The following SERGEF variants were observed in gnomAD, a reference collection of about 807,000 sequenced individuals.
SERGEF encodes the protein secretion-regulating guanine nucleotide exchange factor.
Under a neutral mutation model 50.0 loss-of-function variants are expected in SERGEF, and 51 were observed. The observed-to-expected ratio is 1.02, with a 90% CI of 0.81 to 1.29. The LOEUF (loss-of-function observed/expected upper bound fraction) is 1.29, where lower values mean the gene tolerates loss of function less well. Ranked by LOEUF, SERGEF falls within the 50% of genes most tolerant of loss-of-function variation. The pLI is 0.00. For missense variants in SERGEF, 521 were observed against 557.0 expected (o/e 0.94, Z 0.65); for synonymous variants, 205 against 212.4 (o/e 0.97, Z 0.30).
At chr11:17,978,661 T>C (rs1853430269) in intron 8 of SERGEF, among the ~76,000 whole-genome samples, 1 of 152,150 alleles carries the variant, frequency 6.6e-6, no homozygotes, top group Non-Finnish European at 1.5e-5. Context: ...CAGATCCATA[T>C]CAGTTCCTGT....
At chr11:17,883,135 C>T (rs1307478975) in intron 9 of SERGEF, among the ~76,000 whole-genome samples, 2 of 152,132 alleles carry the variant, frequency 1.3e-5, no homozygotes, top group African/African-American at 4.8e-5. Flanking sequence ...ACCCCAATGC[C>T]AGAGGGATAA....
Position 17,952,638 on chromosome 11 carries a change from C to T in SERGEF, c.1011+6832G>A, listed in dbSNP as rs553413918. ...ACAAACAGTAACCAATCTCTCTATT[C>T]AAGGTACTGGGCTTGTTTTCATGCT... On this transcript the variant is annotated intron_variant, in intron 9 of 10. Transcript: ENST00000265965. Among the ~76,000 whole-genome samples the T allele has an allele frequency of 3.3e-5, 5 of 152,342 alleles. No individual in the cohort carries two copies. The South Asian group carries it at 8.3e-4, about 25-fold the overall frequency.
chr11:17,807,773 CTT>C (rs2133831850), intron 10 of SERGEF, among the ~76,000 whole-genome samples: 1 of 152,318 alleles, frequency 6.6e-6, no homozygotes, highest in African/African-American at 2.4e-5. Context: ...CATGACTTGA[CTT>C]TGAAATGGAA....
At chr11:18,000,358 T>A in intron 5 of SERGEF, 139 bp downstream of exon 5, 1 of 595,128 alleles carries the variant, frequency 1.7e-6, no homozygotes, top group South Asian at 2.5e-5. Flanking sequence ...CTGAGGCAGT[T>A]AGACAGCTTG....
In SERGEF at chr11:17,884,365, G is replaced by T. The variant is rs1214292139; in HGVS notation, c.1012-6121C>A. ...AAGCAGCTCCAGAATGGCAGCCCCA[G>T]CTGGCTGGGCAGCCTGCGCCGCCTG... is the stretch of plus-strand genomic sequence containing the variant. On this transcript the variant is annotated intron_variant, in intron 9 of 10. Coordinates refer to ENST00000265965, the MANE Select transcript of SERGEF (RefSeq NM_012139.4). The surrounding 1 kb of genome is among the most constrained non-coding windows in gnomAD (Gnocchi z 4.6). Among the ~76,000 whole-genome samples, 2 of 152,168 alleles carry T rather than the reference G, an allele frequency of 1.3e-5. No homozygotes were observed. The highest frequency in any genetic ancestry group is 2.9e-5 in the Non-Finnish European group (2 of 68,024).
chr11:17,867,490 T>C (rs1344120195), intron 10 of SERGEF, among the ~76,000 whole-genome samples: 1 of 152,250 alleles, frequency 6.6e-6, no homozygotes, highest in Non-Finnish European at 1.5e-5. Flanking sequence ...TACAGCCTCC[T>C]TCCTAGCTGC....
At chr11:17,839,318 T>G (rs1481713067) in intron 10 of SERGEF, among the ~76,000 whole-genome samples, 1 of 152,166 alleles carries the variant, frequency 6.6e-6, no homozygotes, top group East Asian at 1.9e-4. Context: ...GTGAACCTCC[T>G]AAGACACCAT....
rs542004350 is a variant in SERGEF at position 17,935,189 on chromosome 11, T to C, written c.1011+24281A>G. 8.0e-4 allele frequency among the ~76,000 whole-genome samples: 122 copies of C among 152,184 alleles called. 3 individuals carry two copies. In the South Asian group the frequency reaches 0.024, roughly 29 times the overall value. On this transcript the variant is annotated intron_variant, in intron 9 of 10. Coordinates refer to ENST00000265965, the MANE Select transcript of SERGEF (RefSeq NM_012139.4). ...ATAAAATAAAATAAAATAAAAATGG[T>C]GTATTACTACTAAGCATTTAAAAAT... is the stretch of plus-strand genomic sequence containing the variant.
intron 4 of SERGEF, 161 bp from the exon 5 acceptor site, chr11:18,000,718 T>G (rs746704174): frequency 2.8e-6 from 2 of 712,914 alleles, no homozygotes. Flanking sequence ...CCTCTACATT[T>G]ATCCCTAAAA....
At chr11:17,968,400 G>C (rs1444143832) in intron 8 of SERGEF, among the ~76,000 whole-genome samples, 1 of 152,146 alleles carries the variant, frequency 6.6e-6, no homozygotes, top group African/African-American at 2.4e-5. Flanking sequence ...TAGGTGCTAG[G>C]GGCTACTGCA....
chr11:17,869,577 C>A (rs989797050), intron 10 of SERGEF, among the ~76,000 whole-genome samples: 1 of 152,176 alleles, frequency 6.6e-6, no homozygotes, highest in Non-Finnish European at 1.5e-5. Flanking sequence ...CCTCACATGG[C>A]AAAAGGGGTG....
At chr11:17,871,493 T>G (rs1851137172) in intron 10 of SERGEF, among the ~76,000 whole-genome samples, 2 of 148,560 alleles carry the variant, frequency 1.3e-5, no homozygotes, top group African/African-American at 5.0e-5. Context: ...AGTAAGCCAC[T>G]GGCTGGGAGA....
chr11:17,921,156 G>A (rs1390479076), intron 9 of SERGEF, among the ~76,000 whole-genome samples: 1 of 152,100 alleles, frequency 6.6e-6, no homozygotes, highest in Non-Finnish European at 1.5e-5. Context: ...CAAAAGAGTT[G>A]GTTCTGCATT....
At chr11:17,974,404 G>C (rs558913959) in intron 8 of SERGEF, among the ~76,000 whole-genome samples, 3 of 152,348 alleles carry the variant, frequency 2.0e-5, no homozygotes, top group Admixed American at 6.5e-5. Context: ...GCCAGGGCCT[G>C]GGAGAGGCAT....
chr11:17,959,706 A>C (rs780139448), intron 8 of SERGEF, 70 bp from the exon 9 acceptor site: 83 of 1,365,440 alleles, frequency 6.1e-5, no homozygotes, highest in Non-Finnish European at 8.0e-5. Context: ...GCAATGAATT[A>C]CAAGAGAAAG....
At chr11:18,012,596 C>G (rs1425821248) in intron 1 of SERGEF, 2 of 1,177,786 alleles carry the variant, frequency 1.7e-6, no homozygotes, top group African/African-American at 3.3e-5. Context: ...AGCTCTGGGA[C>G]CGGGCGATCC....
At chr11:17,801,144 G>A (rs964263974) in intron 10 of SERGEF, among the ~76,000 whole-genome samples, 1 of 149,706 alleles carries the variant, frequency 6.7e-6, no homozygotes, top group Non-Finnish European at 1.5e-5. Context: ...GCAGTGAGCC[G>A]AGATAGCGCC....
intron 1 of SERGEF, among the ~76,000 whole-genome samples, chr11:18,009,737 T>G (rs905311018): frequency 2.0e-5 from 3 of 152,066 alleles, no homozygotes; most frequent in Admixed American, 1.3e-4. Flanking sequence ...ATTATTATTA[T>G]ACAAAAAGGG....
intron 6 of SERGEF, among the ~76,000 whole-genome samples, chr11:17,993,962 C>A (rs1263454735): frequency 6.6e-6 from 1 of 152,152 alleles, no homozygotes; most frequent in Non-Finnish European, 1.5e-5. Context: ...CTGTGCCCCA[C>A]CCAAACAGAT....
Sources: allele counts gnomAD v4.1 joint callset (sites outside exome capture counted in the v4.1 genomes callset), GRCh38; gene constraint gnomAD v4.1.1; non-coding constraint Gnocchi (gnomAD v3.1); transcripts MANE v1.5; gene names NCBI Gene and HGNC (gene_info 2026-07-23, HGNC 2026-07-21).